The following MCF2L variants were observed in gnomAD, a reference collection of about 807,000 sequenced individuals.
The protein encoded by MCF2L is guanine nucleotide exchange factor DBS.
MCF2L carries 97 observed loss-of-function variants against 153.4 expected under a neutral mutation model. The observed-to-expected ratio is 0.63, with a 90% CI of 0.54 to 0.75. The LOEUF (loss-of-function observed/expected upper bound fraction) is 0.75, where lower values mean the gene tolerates loss of function less well. Ranked by LOEUF, MCF2L falls within the 30% of genes least tolerant of loss-of-function variation. The probability of loss-of-function intolerance (pLI) is 0.00; values close to 1 mark genes in which losing one functional copy is unlikely to be tolerated. For synonymous variants in MCF2L, 659 were observed against 632.2 expected, an observed-to-expected ratio of 1.04 and a Z score of -0.64; for missense variants, 1,347 against 1,495.2, an observed-to-expected ratio of 0.90 and a Z score of 1.64.
intron 1 of MCF2L, among the ~76,000 whole-genome samples, chr13:112,895,875 G>A (rs944727098): frequency 1.6e-4 from 25 of 151,814 alleles, no homozygotes; most frequent in African/African-American, 5.6e-4. Context: ...CGGTGTCCCC[G>A]ATTTCACCGG....
At chr13:112,918,281 A>G (rs565068942) in intron 2 of MCF2L, among the ~76,000 whole-genome samples, 3 of 152,202 alleles carry the variant, frequency 2.0e-5, no homozygotes, top group Admixed American at 1.3e-4. Flanking sequence ...AACTGTTACT[A>G]CCCTAACACT....
rs572167753 is a variant in MCF2L, at chr13:112,993,887, C to T, written c.80-20876C>T. ...GGTAGGATTTTCCCCTCCCTTAGATCGGAAGGCGAAGAAGGTGAGATCCAC... is the reference window on the plus strand; with the variant it reads ...GGTAGGATTTTCCCCTCCCTTAGATTGGAAGGCGAAGAAGGTGAGATCCAC... On this transcript the variant is annotated intron_variant, in intron 1 of 29. Transcript: ENST00000535094. This position sits in a 1 kb window ranked among gnomAD's most constrained non-coding sequence, Gnocchi z 4.6. Among the ~76,000 whole-genome samples, 14 of 151,010 alleles carry T rather than the reference C, an allele frequency of 9.3e-5. No homozygotes were observed. Among genetic ancestry groups the T allele is most frequent in the African/African-American group, 2.9e-4 (12 of 41,038 alleles).
At position 113,074,581 on chromosome 13, in the gene MCF2L, C is replaced by CG. The variant is rs747581132; in HGVS notation, c.1116+23dup. The CG allele has an allele frequency of 1.9e-5, 31 of 1,610,750 alleles. 1 individual carries two copies. Among genetic ancestry groups the CG allele is most frequent in the Middle Eastern group, 3.3e-4 (2 of 6,044 alleles). ...AATCAGGCGTAAGGCGGGGTCCCGG[C>CG]GGGGGCGGCGGGAGAGTGTGGGCAG... is the stretch of plus-strand genomic sequence containing the variant. On this transcript the variant is annotated intron_variant, in intron 10 of 29. Transcript: ENST00000535094. This position sits in a 1 kb window ranked among gnomAD's most constrained non-coding sequence, Gnocchi z 4.2.
chr13:113,099,073 A>G lies in MCF2L; in HGVS notation c.*2214A>G, dbSNP rs2035825675. The G allele has an allele frequency of 6.6e-6, 1 of 152,242 alleles. No individual in the cohort carries two copies. Among genetic ancestry groups the G allele is most frequent in the African/African-American group, 2.4e-5 (1 of 41,448 alleles). 9.4% of individuals were successfully genotyped at this position (152,242 alleles called of 1,614,324 possible). A position where few individuals can be genotyped will look rare whatever the true frequency, so the allele number is the denominator to read the frequency against. On this transcript the variant is annotated 3_prime_UTR_variant, in exon 30 of 30. Coordinates refer to ENST00000535094, the MANE Select transcript of MCF2L (RefSeq NM_001112732.3). ...TATATAGATTGGAGATTTAAAATAA[A>G]AGAAGACAGAACAGACAAACACCAT...
At chr13:112,968,406 T>C, upstream of MCF2L, 2 of 1,553,514 alleles carry the variant, frequency 1.3e-6, no homozygotes, top group Non-Finnish European at 1.7e-6. Context: ...AGCTGGAATC[T>C]GCAGGTGGCA....
intron 26 of MCF2L, 115 bp downstream of exon 26, chr13:113,089,843 G>C (rs1470716708): frequency 6.2e-7 from 1 of 1,612,182 alleles, no homozygotes; most frequent in East Asian, 2.2e-5. Flanking sequence ...GCTTTGCAGA[G>C]CATTCAGGGC....
chr13:113,007,348 G>A (rs2083772022), intron 1 of MCF2L, among the ~76,000 whole-genome samples: 1 of 152,356 alleles, frequency 6.6e-6, no homozygotes, highest in South Asian at 2.1e-4. Context: ...CCCTGGCTCA[G>A]ACAGTGTGAC....
chr13:112,960,000 G>A (rs367839706), intron 2 of MCF2L, among the ~76,000 whole-genome samples: 2 of 152,358 alleles, frequency 1.3e-5, no homozygotes, highest in East Asian at 1.9e-4. Flanking sequence ...CTGTTCTCAC[G>A]CGTCGGGCTG....
intron 4 of MCF2L, 129 bp from the exon 5 acceptor site, chr13:113,060,464 C>T: frequency 9.7e-7 from 1 of 1,030,324 alleles, no homozygotes; most frequent in Non-Finnish European, 1.4e-6. Flanking sequence ...TCAGCATAAA[C>T]CTGCTGCGTT....
intron 5 of MCF2L, among the ~76,000 whole-genome samples, chr13:113,062,391 T>G (rs920017176): frequency 8.5e-5 from 13 of 152,230 alleles, no homozygotes; most frequent in South Asian, 2.1e-4. Context: ...TCTTGGTGGC[T>G]TGTGTGTGTT....
chr13:113,006,746 G>A (rs115399377), intron 1 of MCF2L, among the ~76,000 whole-genome samples: 3,419 of 152,328 alleles, frequency 0.022, 136 homozygotes, highest in African/African-American at 0.078. Flanking sequence ...CTCCCTGCGG[G>A]TGCCACCAGC....
intron 3 of MCF2L, among the ~76,000 whole-genome samples, chr13:113,036,879 C>T (rs948191263): frequency 3.9e-5 from 6 of 152,242 alleles, no homozygotes; most frequent in Non-Finnish European, 8.8e-5. Flanking sequence ...TTTTAACAAC[C>T]ATGAATTCCT....
chr13:113,000,061 G>A (rs374482513), intron 1 of MCF2L, among the ~76,000 whole-genome samples: 9 of 152,304 alleles, frequency 5.9e-5, no homozygotes, highest in South Asian at 4.1e-4. Context: ...CAGGTGCATC[G>A]GCTGGTGCCG....
chr13:112,905,005 A>G (rs1249184934), intron 2 of MCF2L, among the ~76,000 whole-genome samples: 1 of 152,252 alleles, frequency 6.6e-6, no homozygotes, highest in Non-Finnish European at 1.5e-5. Context: ...ACACTGTTGT[A>G]CAACCACCAC....
At chr13:113,013,025 A>ACGGTGCCCCTGT (rs2084274216) in intron 1 of MCF2L, among the ~76,000 whole-genome samples, 1 of 151,866 alleles carries the variant, frequency 6.6e-6, no homozygotes, top group African/African-American at 2.4e-5. Context: ...ACGGTCTGTG[A>ACGGTGCCCCTGT]GGCAGGCAGG....
chr13:113,062,460 C>G (rs989351431), intron 5 of MCF2L, among the ~76,000 whole-genome samples: 1 of 152,106 alleles, frequency 6.6e-6, no homozygotes, highest in Admixed American at 6.5e-5. Context: ...TTGGCAGGCA[C>G]TGCACACTAG....
At chr13:113,083,908 A>G (rs1195406765) in intron 17 of MCF2L, 90 bp from the exon 18 acceptor site, 7 of 946,370 alleles carry the variant, frequency 7.4e-6, no homozygotes, top group Admixed American at 1.7e-5. Context: ...AAGGCGTAAC[A>G]GGCTTCTGAA....
At chr13:113,012,919 CGGACGGTGGACAGGCGGTGT>C (rs1320589986) in intron 1 of MCF2L, among the ~76,000 whole-genome samples, 15 of 103,408 alleles carry the variant, frequency 1.5e-4, no homozygotes, top group Middle Eastern at 6.4e-3. Context: ...CACTGTGATG[CGGACGGTGGACAGGCGGTGT>C]GGACGGTGGA....
chr13:112,944,525 C>A (rs1388841389), intron 2 of MCF2L, among the ~76,000 whole-genome samples: 3 of 150,110 alleles, frequency 2.0e-5, no homozygotes, highest in African/African-American at 7.4e-5. Context: ...TGCTAAGCCG[C>A]AGAAGAGCTG....
Sources: allele counts gnomAD v4.1 joint callset (sites outside exome capture counted in the v4.1 genomes callset), GRCh38; gene constraint gnomAD v4.1.1; non-coding constraint Gnocchi (gnomAD v3.1); transcripts MANE v1.5; gene names NCBI Gene and HGNC (gene_info 2026-07-23, HGNC 2026-07-21).